The following MYT1L variants were observed in gnomAD, a reference collection of about 807,000 sequenced individuals.
The protein encoded by MYT1L is myelin transcription factor 1-like protein.
Under a neutral mutation model 126.7 loss-of-function variants are expected in MYT1L, and 12 were observed. The observed-to-expected ratio is 0.09, with a 90% CI of 0.06 to 0.15. The LOEUF is 0.15. Among genes scored for constraint, MYT1L ranks in the 10% least tolerant of loss-of-function variants. The pLI, the probability that MYT1L is intolerant of heterozygous loss-of-function variation, is 1.00. For synonymous variants in MYT1L, 541 were observed against 604.2 expected, an observed-to-expected ratio of 0.90 and a Z score of 1.53; for missense variants, 979 against 1,585.2, an observed-to-expected ratio of 0.62 and a Z score of 6.49.
chr2:2,128,697 T>C (rs564704632), intron 3 of MYT1L, among the ~76,000 whole-genome samples: 88 of 152,240 alleles, frequency 5.8e-4, no homozygotes, highest in Non-Finnish European at 1.1e-3. Flanking sequence ...GGAAAAACAA[T>C]AGGAAACATT....
At chr2:1,814,187 T>G (rs2037263017) in intron 21 of MYT1L, among the ~76,000 whole-genome samples, 1 of 152,084 alleles carries the variant, frequency 6.6e-6, no homozygotes, top group Admixed American at 6.5e-5. Context: ...AGCGATCTTC[T>G]CTGCCGCTAG....
intron 11 of MYT1L, among the ~76,000 whole-genome samples, chr2:1,914,083 G>A (rs974900724): frequency 4.0e-5 from 6 of 151,856 alleles, no homozygotes; most frequent in Non-Finnish European, 7.4e-5. Flanking sequence ...GTGAAACCCC[G>A]TCTCTACTAA....
At chr2:2,136,542 A>G (rs1272332466) in intron 3 of MYT1L, among the ~76,000 whole-genome samples, 1 of 152,210 alleles carries the variant, frequency 6.6e-6, no homozygotes, top group Non-Finnish European at 1.5e-5. Flanking sequence ...TCAATCATGG[A>G]CACGTCCCAG....
intron 4 of MYT1L, among the ~76,000 whole-genome samples, chr2:2,015,277 A>G (rs2064257327): frequency 6.6e-6 from 1 of 151,976 alleles, no homozygotes; most frequent in Admixed American, 6.5e-5. Flanking sequence ...ATAATGATGG[A>G]AAGGAGACAG....
intron 4 of MYT1L, among the ~76,000 whole-genome samples, chr2:2,037,808 A>C (rs955348257): frequency 6.8e-6 from 1 of 147,480 alleles, no homozygotes; most frequent in Non-Finnish European, 1.5e-5. Flanking sequence ...AAAAAACAAA[A>C]AAAAAACCCC....
rs80128147 is a variant in MYT1L, at chr2:2,235,690, C to T, written c.-421+48714G>A. On this transcript the variant is annotated intron_variant, in intron 2 of 24. Transcript: ENST00000647738. ...AACACGCAGCCCCTCCTCAGTTCCA[C>T]ACACTGTACACTGAAATACATCACT... 5.7e-3 allele frequency among the ~76,000 whole-genome samples: 866 copies of T among 152,316 alleles called. 9 individuals are homozygous for T. The highest frequency in any genetic ancestry group is 0.02 in the African/African-American group (812 of 41,566).
At chr2:1,886,439 T>C in intron 18 of MYT1L, 100 bp downstream of exon 18, 1 of 900,468 alleles carries the variant, frequency 1.1e-6, no homozygotes. Flanking sequence ...AGGCCATGTT[T>C]TTTAACAGAC....
intron 3 of MYT1L, among the ~76,000 whole-genome samples, chr2:2,062,889 T>C (rs373467397): frequency 7.6e-6 from 1 of 132,316 alleles, no homozygotes; most frequent in Non-Finnish European, 1.7e-5. Context: ...TTTTCTCCCA[T>C]CATGTGACAT....
At chr2:1,998,745 C>CGATA (rs1412981534) in intron 4 of MYT1L, among the ~76,000 whole-genome samples, 1 of 152,096 alleles carries the variant, frequency 6.6e-6, no homozygotes, top group Non-Finnish European at 1.5e-5. Flanking sequence ...CCTTTGGATA[C>CGATA]GATAACTCCC....
chr2:2,068,769 G>GTTTTTTT (rs55838351), intron 3 of MYT1L, among the ~76,000 whole-genome samples: 345 of 26,178 alleles, frequency 0.013, 32 homozygotes, highest in East Asian at 0.019. Context: ...TGTTCTTCTT[G>GTTTTTTT]TTTTTTTTTT....
intron 1 of MYT1L, among the ~76,000 whole-genome samples, chr2:2,284,895 G>T (rs78073183): frequency 0.082 from 12,456 of 151,882 alleles, 677 homozygotes; most frequent in South Asian, 0.15. Flanking sequence ...GTAGAGATGG[G>T]GTTTCATCAT....
intron 14 of MYT1L, among the ~76,000 whole-genome samples, chr2:1,898,098 A>C (rs531966319): frequency 7.9e-5 from 12 of 152,338 alleles, no homozygotes; most frequent in Non-Finnish European, 1.3e-4. Flanking sequence ...TCTGCTTGTG[A>C]AATTCTTACT....
intron 3 of MYT1L, among the ~76,000 whole-genome samples, chr2:2,090,534 G>A (rs569056184): frequency 5.9e-5 from 9 of 152,298 alleles, no homozygotes; most frequent in East Asian, 1.9e-4. Flanking sequence ...CCTCAATGTC[G>A]ATGGCTGCTG....
In MYT1L at chr2:1,887,748, T is replaced by A. The variant is rs371270566; in HGVS notation, c.2521-139A>T. 1.5e-5 allele frequency: 15 copies of A among 992,744 alleles called. No homozygotes were observed. The highest frequency in any genetic ancestry group is 2.0e-5 in the Non-Finnish European group (13 of 663,014). The allele number at this position is 992,744 out of a possible 1,614,324, so 61.5% of individuals were successfully genotyped here. ...ACCTTTAAGATCCTTTTGGTCCTGA[T>A]AACGCCCCTACTGAAAATGCATATT... On this transcript the variant is annotated intron_variant, in intron 16 of 24. Transcript: ENST00000647738. The surrounding 1 kb of genome is among the most constrained non-coding windows in gnomAD (Gnocchi z 4.8).
intron 9 of MYT1L, among the ~76,000 whole-genome samples, chr2:1,933,968 G>T (rs796907741): frequency 0.018 from 2,513 of 141,688 alleles, 68 homozygotes; most frequent in African/African-American, 0.061. Context: ...CTCTAATTTT[G>T]ATTTTTTTTT....
At chr2:2,296,585 T>C (rs777485078) in intron 1 of MYT1L, among the ~76,000 whole-genome samples, 7 of 152,026 alleles carry the variant, frequency 4.6e-5, no homozygotes, top group Non-Finnish European at 8.8e-5. Context: ...GTCTGGCTAA[T>C]GTCATTAACT....
At chr2:1,958,653 G>T (rs550627450) in intron 8 of MYT1L, among the ~76,000 whole-genome samples, 1 of 152,306 alleles carries the variant, frequency 6.6e-6, no homozygotes, top group East Asian at 1.9e-4. Context: ...TTCTACACTC[G>T]TGATCCCGGT....
chr2:1,857,791 G>T (rs1176787024), intron 18 of MYT1L, among the ~76,000 whole-genome samples: 1 of 151,808 alleles, frequency 6.6e-6, no homozygotes, highest in Non-Finnish European at 1.5e-5. Context: ...AACAGATCTG[G>T]TTCTAAAAAT....
Position 1,889,279 on chromosome 2 carries a change from G to A in MYT1L, c.2482C>T (p.Pro828Ser), listed in dbSNP as rs747411735. ...DLPVDYTKMKPRRIDEDESKD... is the reference protein window; with the variant it reads ...DLPVDYTKMKSRRIDEDESKD... ...GACTCGTCCTCGTCTATCCTCCGGG[G>A]TTTCATTTTGGTGTAGTCTACGGGC... The change falls in exon 16 of 25, where the codon CCC becomes TCC. Residue 828 changes from proline to serine, a missense_variant. Pro to Ser is a moderately conservative substitution (Grantham distance 74). Coordinates refer to ENST00000647738, the MANE Select transcript of MYT1L (RefSeq NM_001303052.2). This position sits in a 1 kb window ranked among gnomAD's most constrained non-coding sequence, Gnocchi z 4.1. The A allele has an allele frequency of 6.2e-6, 10 of 1,613,940 alleles. No homozygotes were observed. Among genetic ancestry groups the A allele is most frequent in the Admixed American group, 5.0e-5 (3 of 60,018 alleles).
Sources: gnomAD v4.1 joint callset for allele counts (sites outside exome capture counted in the v4.1 genomes callset) on GRCh38, gnomAD v4.1.1 for gene constraint, Gnocchi (gnomAD v3.1) non-coding constraint, MANE v1.5 for transcripts, NCBI Gene and HGNC (gene_info 2026-07-23, HGNC 2026-07-21) for gene names.